Variants in RPL30 observed in about 807,000 individuals in gnomAD.
The protein encoded by RPL30 is ribosomal protein L30, also known as large ribosomal subunit protein eL30.
For missense variants in RPL30, 60 were observed against 138.0 expected, an observed-to-expected ratio of 0.43 and a Z score of 2.83; for synonymous variants, 40 against 50.4, an observed-to-expected ratio of 0.79 and a Z score of 0.87.
chr8:98,043,776 G>C (rs1814426169), intron 3 of RPL30: 1 of 152,030 alleles, frequency 6.6e-6, no homozygotes, highest in African/African-American at 2.4e-5. Context: ...ACTCAATTAT[G>C]TGAATCCACA....
At chr8:98,042,095 C>A (rs1197505242) in intron 4 of RPL30, 1 of 662,952 alleles carries the variant, frequency 1.5e-6, no homozygotes, top group Admixed American at 1.8e-5. Context: ...GGTTTATCAC[C>A]AGCATTTATA....
chr8:98,044,045 G>C (rs1344609958), intron 3 of RPL30: 1 of 152,338 alleles, frequency 6.6e-6, no homozygotes, highest in Non-Finnish European at 1.5e-5. Context: ...GGGAGGCAGA[G>C]GTTGCAGTGA....
intron 4 of RPL30, 23 bp downstream of exon 4, chr8:98,042,622 A>AATG: frequency 6.3e-7 from 1 of 1,582,498 alleles, no homozygotes; most frequent in Non-Finnish European, 8.6e-7. Flanking sequence ...AAAAAAAAAG[A>AATG]CTTTATGATT....
At chr8:98,042,441 A>G in intron 4 of RPL30, 1 of 529,100 alleles carries the variant, frequency 1.9e-6, no homozygotes, top group Non-Finnish European at 3.3e-6. Context: ...GACAGTAAAA[A>G]TTTTAACTTA....
chr8:98,045,155 C>G lies in RPL30; in HGVS notation c.22-67G>C. ...GCAACCGCCTCAAAACCGGACCCAG[C>G]TTTTTGAAGCCGAGCCCCTTAAACT... On this transcript the variant is annotated intron_variant, in intron 2 of 4. Transcript: ENST00000287038. 6 of 1,577,156 alleles carry G rather than the reference C, an allele frequency of 3.8e-6. No homozygotes were observed. The East Asian group carries it at 1.3e-4, about 35-fold the overall frequency.
intron 4 of RPL30, 122 bp from the exon 5 acceptor site, chr8:98,041,972 T>G: frequency 1.3e-6 from 1 of 772,408 alleles, no homozygotes; most frequent in Non-Finnish European, 2.2e-6. Context: ...TAGCACTGAC[T>G]TTTTGCAAAA....
Position 98,045,108 on chromosome 8 carries a change from T to C in RPL30, c.22-20A>G, listed in dbSNP as rs559815292. 7.5e-5 allele frequency: 121 copies of C among 1,611,618 alleles called. 1 individual carries two copies. In the South Asian group the frequency reaches 1.3e-3, roughly 18 times the overall value. On this transcript the variant is annotated intron_variant, in intron 2 of 4. Coordinates refer to ENST00000287038, the MANE Select transcript of RPL30 (RefSeq NM_000989.4). ...CTTTTTCTACAAAGCAAACATTAAA[T>C]ACGGACCTAAGGGCCTCGCCTGCAA... is the stretch of plus-strand genomic sequence containing the variant.
At chr8:98,043,089 A>G (rs185815849) in intron 3 of RPL30, 29 of 182,512 alleles carry the variant, frequency 1.6e-4, no homozygotes, top group African/African-American at 6.6e-4. Context: ...TAAGGACCAC[A>G]TACTTTATAT....
In RPL30 at chr8:98,044,863, C is replaced by G. The variant is rs1321874280; in HGVS notation, c.167+80G>C. ...TGCAAGTGTTCGAGTTCATGGTACT[C>G]AGATTACAAGTTTACACTCCTGTAT... On this transcript the variant is annotated intron_variant, in intron 3 of 4. Coordinates refer to ENST00000287038, the MANE Select transcript of RPL30 (RefSeq NM_000989.4). 19 of 1,437,200 alleles carry G rather than the reference C, an allele frequency of 1.3e-5. 1 individual carries two copies. The highest frequency in any genetic ancestry group is 4.6e-5 in the East Asian group (2 of 43,360). 89.0% of individuals were successfully genotyped at this position (1,437,200 alleles called of 1,614,324 possible). A position where few individuals can be genotyped will look rare whatever the true frequency, so the allele number is the denominator to read the frequency against.
rs1056924758 is a variant in RPL30, at chr8:98,045,540, G to A, written c.-65C>T. 5 of 643,864 alleles carry A rather than the reference G, an allele frequency of 7.8e-6. No individual in the cohort carries two copies. The highest frequency in any genetic ancestry group is 1.4e-5 in the Non-Finnish European group (5 of 364,224). 39.9% of individuals were successfully genotyped at this position (643,864 alleles called of 1,614,324 possible). On this transcript the variant is annotated 5_prime_UTR_variant, in exon 1 of 5. Transcript: ENST00000287038. ...AGCCGCTAAGATGGCCGGGGAACGA[G>A]AAAGGAAAGACTTCCCACAATGCAA...
intron 3 of RPL30, chr8:98,043,705 C>T (rs777631198): frequency 4.6e-5 from 7 of 151,734 alleles, no homozygotes; most frequent in Admixed American, 2.0e-4. Context: ...AAAATTTCAG[C>T]GTCAAATTAG....
chr8:98,042,619 A>G, intron 4 of RPL30, 26 bp downstream of exon 4: 1 of 1,591,336 alleles, frequency 6.3e-7, no homozygotes, highest in Non-Finnish European at 8.5e-7. Context: ...AAAAAAAAAA[A>G]AGACTTTATG....
chr8:98,044,920 G>A, intron 3 of RPL30, 23 bp downstream of exon 3: 1 of 1,608,558 alleles, frequency 6.2e-7, no homozygotes, highest in Non-Finnish European at 8.5e-7. Context: ...GGTAGGCGAA[G>A]CCCGTTCAGT....
chr8:98,045,464 G>T, intron 1 of RPL30, 44 bp downstream of exon 1: 4 of 1,467,258 alleles, frequency 2.7e-6, no homozygotes, highest in Non-Finnish European at 3.8e-6. Flanking sequence ...AACCCGCAAA[G>T]CTCCCCGCGC....
chr8:98,042,627 A>G lies in RPL30; in HGVS notation c.298+18T>C. 1.3e-6 allele frequency: 2 copies of G among 1,549,326 alleles called. No individual in the cohort carries two copies. The highest frequency in any genetic ancestry group is 1.8e-6 in the Non-Finnish European group (2 of 1,140,596). On this transcript the variant is annotated intron_variant, in intron 4 of 4. Coordinates refer to ENST00000287038, the MANE Select transcript of RPL30 (RefSeq NM_000989.4). Reference sequence around the variant, plus strand: ...GAAAGGCAAAAAAAAAAAAGACTTTATGATTTAAAAAGCATACCTGGATCA... The same window carrying G: ...GAAAGGCAAAAAAAAAAAAGACTTTGTGATTTAAAAAGCATACCTGGATCA...
chr8:98,045,273 G>A (rs1814455570), intron 2 of RPL30, 74 bp downstream of exon 2: 1 of 1,602,464 alleles, frequency 6.2e-7, no homozygotes, highest in South Asian at 1.1e-5. Context: ...ACCCCCGTGG[G>A]CTCACATCTG....
In RPL30 at chr8:98,045,493, T is replaced by A. The variant is rs980150813; in HGVS notation, c.-33+15A>T. 5 of 1,080,836 alleles carry A rather than the reference T, an allele frequency of 4.6e-6. No homozygotes were observed. Among genetic ancestry groups the A allele is most frequent in the Non-Finnish European group, 7.0e-6 (5 of 717,692 alleles). The allele number at this position is 1,080,836 out of a possible 1,614,324, so 67.0% of individuals were successfully genotyped here. ...CCCGCGCTGCCTAAACCTCGGTCGG[T>A]AGGAGCCCACTCACCAACAGCAGCC... On this transcript the variant is annotated intron_variant, in intron 1 of 4. Transcript: ENST00000287038.
chr8:98,044,661 A>T (rs1037113841), intron 3 of RPL30: 21 of 373,428 alleles, frequency 5.6e-5, no homozygotes, highest in Middle Eastern at 1.3e-3. Flanking sequence ...AAATACATGG[A>T]AAAAACAGTA....
chr8:98,041,961 T>C, intron 4 of RPL30, 111 bp from the exon 5 acceptor site: 1 of 828,044 alleles, frequency 1.2e-6, no homozygotes, highest in Non-Finnish European at 2.0e-6. Context: ...GGTCTGCAAA[T>C]TAGCACTGAC....
Sources: allele counts gnomAD v4.1 joint callset, GRCh38; gene constraint gnomAD v4.1.1; transcripts MANE v1.5; gene names NCBI Gene and HGNC (gene_info 2026-07-23, HGNC 2026-07-21).